Variants in MTSS1 observed in about 807,000 individuals in gnomAD.
MTSS1 encodes protein MTSS 1.
A neutral mutation model predicts 79.0 loss-of-function variants in MTSS1; 18 were observed. The observed-to-expected ratio is 0.23, with a 90% CI of 0.16 to 0.34. MTSS1 has a LOEUF of 0.34. Among genes scored for constraint, MTSS1 ranks in the 10% least tolerant of loss-of-function variants. MTSS1 has a pLI of 1.00. For synonymous variants in MTSS1, 341 were observed against 368.6 expected, an observed-to-expected ratio of 0.93 and a Z score of 0.86; for missense variants, 815 against 986.2, an observed-to-expected ratio of 0.83 and a Z score of 2.33.
chr8:124,637,585 G>A (rs1382017841), intron 3 of MTSS1, among the ~76,000 whole-genome samples: 2 of 152,182 alleles, frequency 1.3e-5, no homozygotes, highest in South Asian at 2.1e-4. Context: ...TAGATCACTC[G>A]CAAAACCTTG....
At chr8:124,697,320 G>A (rs1389040897) in intron 3 of MTSS1, among the ~76,000 whole-genome samples, 2 of 151,968 alleles carry the variant, frequency 1.3e-5, no homozygotes, top group Admixed American at 6.5e-5. Context: ...AGCACTATGG[G>A]AGGCTGAGGC....
At chr8:124,661,849 T>G (rs1220240559) in intron 3 of MTSS1, among the ~76,000 whole-genome samples, 1 of 152,208 alleles carries the variant, frequency 6.6e-6, no homozygotes, top group Non-Finnish European at 1.5e-5. Context: ...GGCCCACATC[T>G]GTCTGCATTT....
At chr8:124,557,929 A>G (rs1276894514) in intron 10 of MTSS1, 54 bp from the exon 11 acceptor site, 1 of 1,383,876 alleles carries the variant, frequency 7.2e-7, no homozygotes, top group Non-Finnish European at 9.9e-7. Context: ...ATATAACAGG[A>G]TGAGTGCGGA....
At chr8:124,637,623 G>A (rs1817256943) in intron 3 of MTSS1, among the ~76,000 whole-genome samples, 1 of 149,490 alleles carries the variant, frequency 6.7e-6, no homozygotes, top group Non-Finnish European at 1.5e-5. Context: ...GTTTCATGCT[G>A]GGGCCTACAG....
At chr8:124,675,659 C>A (rs1825151110) in intron 3 of MTSS1, among the ~76,000 whole-genome samples, 1 of 152,182 alleles carries the variant, frequency 6.6e-6, no homozygotes, top group African/African-American at 2.4e-5. Flanking sequence ...TTCCCCATTC[C>A]CTACTCTCAC....
At chr8:124,560,753 G>A (rs546999435) in intron 10 of MTSS1, among the ~76,000 whole-genome samples, 37 of 152,314 alleles carry the variant, frequency 2.4e-4, no homozygotes, top group Admixed American at 2.2e-3. Flanking sequence ...AGAACCTCTT[G>A]ACTCAGATGG....
intron 6 of MTSS1, among the ~76,000 whole-genome samples, chr8:124,575,301 A>T (rs1828752242): frequency 6.6e-6 from 1 of 152,186 alleles, no homozygotes; most frequent in South Asian, 2.1e-4. Context: ...TAGCCTTAAA[A>T]TTTTTCAAAC....
rs1156467766 is a variant in MTSS1, at chr8:124,728,432, C to A, written c.-477G>T. 6.6e-6 allele frequency: 1 copy of A among 151,930 alleles called. No individual in the cohort carries two copies. Among genetic ancestry groups the A allele is most frequent in the African/African-American group, 2.4e-5 (1 of 41,422 alleles). The allele number at this position is 151,930 out of a possible 1,614,324, so 9.4% of individuals were successfully genotyped here. On this transcript the variant is annotated 5_prime_UTR_variant, in exon 1 of 14. Transcript: ENST00000518547. This position sits in a 1 kb window ranked among gnomAD's most constrained non-coding sequence, Gnocchi z 6.1. ...CTGTTGCTCGCAGCTGCGGCCGCCG[C>A]CTCCTTTTCACTCCTGCGCGCCCGG...
At chr8:124,695,643 G>A (rs957932567) in intron 3 of MTSS1, among the ~76,000 whole-genome samples, 22 of 152,318 alleles carry the variant, frequency 1.4e-4, no homozygotes, top group East Asian at 3.9e-4. Context: ...TCTATCAAGA[G>A]AATAATGACT....
At chr8:124,558,702 C>T (rs377181747) in intron 10 of MTSS1, 16 of 1,533,552 alleles carry the variant, frequency 1.0e-5, no homozygotes, top group East Asian at 4.8e-5. Flanking sequence ...GGCTGCCACC[C>T]GGGCGGTCAC....
rs545224155 is a variant in MTSS1, at chr8:124,616,782, C to T, written c.209-25547G>A. The stretch of plus-strand genomic sequence containing the variant: ...TTCACTCCTTGAGCAACGAGGCACT[C>T]ACTTGTTGAAATCTTCAGATTATGA... On this transcript the variant is annotated intron_variant, in intron 3 of 13. Transcript: ENST00000518547. 9.4e-4 allele frequency among the ~76,000 whole-genome samples: 143 copies of T among 152,348 alleles called. 1 individual carries two copies. Among genetic ancestry groups the T allele is most frequent in the African/African-American group, 3.2e-3 (134 of 41,576 alleles).
At chr8:124,564,903 T>G (rs114213863) in intron 9 of MTSS1, 3 of 152,268 alleles carry the variant, frequency 2.0e-5, no homozygotes, top group Non-Finnish European at 4.4e-5. Context: ...TGCCCTCTAC[T>G]CTCAGTGCTA....
rs190861420 is a variant in MTSS1 at position 124,650,834 on chromosome 8, C to T, written c.208+48692G>A. On this transcript the variant is annotated intron_variant, in intron 3 of 13. Coordinates refer to ENST00000518547, the MANE Select transcript of MTSS1 (RefSeq NM_014751.6). ...GGCCCAGTAAGTACTTGGTAGTTAACACAAATGCTCGATTAACAATGGTGT... is the reference window on the plus strand; with the variant it reads ...GGCCCAGTAAGTACTTGGTAGTTAATACAAATGCTCGATTAACAATGGTGT... 5.9e-5 allele frequency among the ~76,000 whole-genome samples: 9 copies of T among 152,302 alleles called. No homozygotes were observed. The East Asian group carries it at 1.7e-3, about 29-fold the overall frequency.
intron 3 of MTSS1, among the ~76,000 whole-genome samples, chr8:124,676,891 C>T (rs1825388935): frequency 6.6e-6 from 1 of 152,184 alleles, no homozygotes; most frequent in South Asian, 2.1e-4. Context: ...AAGGACTTGG[C>T]ACTGTGCATT....
intron 3 of MTSS1, among the ~76,000 whole-genome samples, chr8:124,672,190 T>C (rs1290886750): frequency 1.3e-5 from 2 of 152,168 alleles, no homozygotes; most frequent in African/African-American, 4.8e-5. Context: ...TTATTTTTGT[T>C]CACTTAAAAA....
At chr8:124,557,139 C>A (rs16899688) in intron 11 of MTSS1, among the ~76,000 whole-genome samples, 47,208 of 152,140 alleles carry the variant, frequency 0.31, 8,572 homozygotes, top group Non-Finnish European at 0.42. Flanking sequence ...CATGTTTGAA[C>A]ACTCAAGACT....
At chr8:124,690,439 G>A (rs961967729) in intron 3 of MTSS1, among the ~76,000 whole-genome samples, 1 of 152,180 alleles carries the variant, frequency 6.6e-6, no homozygotes, top group Non-Finnish European at 1.5e-5. Context: ...ATCCTGCCCT[G>A]AGGATCCAGG....
intron 3 of MTSS1, among the ~76,000 whole-genome samples, chr8:124,593,486 C>T (rs11996268): frequency 0.011 from 1,625 of 152,250 alleles, 36 homozygotes; most frequent in African/African-American, 0.038. Context: ...TTGTTCACAG[C>T]GTCAAAAGAC....
chr8:124,602,628 T>C (rs1834129939), intron 3 of MTSS1, among the ~76,000 whole-genome samples: 1 of 152,098 alleles, frequency 6.6e-6, no homozygotes, highest in African/African-American at 2.4e-5. Context: ...GGCTAGTAGG[T>C]GGACAACTAT....
Sources: gnomAD v4.1 joint callset for allele counts (sites outside exome capture counted in the v4.1 genomes callset) on GRCh38, gnomAD v4.1.1 for gene constraint, Gnocchi (gnomAD v3.1) non-coding constraint, MANE v1.5 for transcripts, NCBI Gene and HGNC (gene_info 2026-07-23, HGNC 2026-07-21) for gene names.